Variants in PPM1E observed in about 807,000 individuals in gnomAD.
PPM1E encodes protein phosphatase 1E.
PPM1E carries 20 observed loss-of-function variants against 65.9 expected under a neutral mutation model. That is an observed-to-expected ratio of 0.30 (90% CI 0.21 to 0.44). The LOEUF (loss-of-function observed/expected upper bound fraction) is 0.44. Among genes scored for constraint, PPM1E ranks in the 20% least tolerant of loss-of-function variants. The pLI is 1.00. For synonymous variants in PPM1E, 352 were observed against 374.9 expected (o/e 0.94, Z 0.70); for missense variants, 713 against 953.1 (o/e 0.75, Z 3.32).
intron 1 of PPM1E, among the ~76,000 whole-genome samples, chr17:58,869,602 A>G (rs1033648107): frequency 2.6e-5 from 4 of 152,198 alleles, no homozygotes; most frequent in Non-Finnish European, 5.9e-5. Context: ...TGCTGGCACC[A>G]TGCTTCTTCT....
chr17:58,873,744 A>G (rs953259897), intron 1 of PPM1E, among the ~76,000 whole-genome samples: 21 of 150,370 alleles, frequency 1.4e-4, no homozygotes, highest in Non-Finnish European at 2.2e-4. Context: ...ACAGGTCCGC[A>G]CTACCATGCC....
At chr17:58,791,361 A>G (rs1298377504) in intron 1 of PPM1E, among the ~76,000 whole-genome samples, 1 of 152,178 alleles carries the variant, frequency 6.6e-6, no homozygotes, top group Non-Finnish European at 1.5e-5. Flanking sequence ...TGATTCGGAG[A>G]TGGCAACATA....
chr17:58,817,405 C>T (rs1405341187), intron 1 of PPM1E, among the ~76,000 whole-genome samples: 2 of 152,134 alleles, frequency 1.3e-5, no homozygotes, highest in East Asian at 3.9e-4. Flanking sequence ...TTTTTATTAC[C>T]TTATATTTAA....
chr17:58,950,268 A>G (rs1180823890), intron 1 of PPM1E, among the ~76,000 whole-genome samples: 1 of 152,246 alleles, frequency 6.6e-6, no homozygotes, highest in African/African-American at 2.4e-5. Context: ...AGGCTGAGGC[A>G]GGAGAATTGC....
chr17:58,761,511 A>T (rs2049820703), intron 1 of PPM1E, among the ~76,000 whole-genome samples: 1 of 152,200 alleles, frequency 6.6e-6, no homozygotes, highest in Admixed American at 6.5e-5. Context: ...CAGAAACTAC[A>T]CTTCAGCTAT....
Position 58,851,054 on chromosome 17 carries a change from C to T in PPM1E, c.464+94593C>T, listed in dbSNP as rs572595188. The stretch of plus-strand genomic sequence containing the variant: ...CTTCAGTCACTGATACCCTTTCTTC[C>T]ACTTGATCAAATCGGCTACCGAAGC... On this transcript the variant is annotated intron_variant, in intron 1 of 6. Transcript: ENST00000308249. Among the ~76,000 whole-genome samples, 12 of 152,268 alleles carry T rather than the reference C, an allele frequency of 7.9e-5. No individual in the cohort carries two copies. The South Asian group carries it at 2.5e-3, about 32-fold the overall frequency.
At chr17:58,941,829 A>G (rs2052072910) in intron 1 of PPM1E, among the ~76,000 whole-genome samples, 1 of 150,552 alleles carries the variant, frequency 6.6e-6, no homozygotes, top group East Asian at 2.0e-4. Context: ...ACATAGTGAA[A>G]CCCCATCTCT....
intron 1 of PPM1E, among the ~76,000 whole-genome samples, chr17:58,772,814 T>TA (rs2049953461): frequency 6.6e-6 from 1 of 152,150 alleles, no homozygotes; most frequent in African/African-American, 2.4e-5. Context: ...TCTAGGGAGA[T>TA]ACTGGAATTT....
intron 1 of PPM1E, among the ~76,000 whole-genome samples, chr17:58,823,370 A>G (rs1174269019): frequency 6.6e-6 from 1 of 152,234 alleles, no homozygotes; most frequent in African/African-American, 2.4e-5. Context: ...TTCTAGGCAC[A>G]GGAATGGTTT....
chr17:58,856,655 G>C (rs1216932340), intron 1 of PPM1E, among the ~76,000 whole-genome samples: 1 of 152,118 alleles, frequency 6.6e-6, no homozygotes, highest in Non-Finnish European at 1.5e-5. Flanking sequence ...AATCCATTAG[G>C]ATTGGTCTCA....
At chr17:58,879,063 CAG>C (rs2051159955) in intron 1 of PPM1E, among the ~76,000 whole-genome samples, 1 of 151,854 alleles carries the variant, frequency 6.6e-6, no homozygotes, top group Non-Finnish European at 1.5e-5. Context: ...TGCAATAATC[CAG>C]ACACTGGAAT....
intron 1 of PPM1E, among the ~76,000 whole-genome samples, chr17:58,847,188 A>G (rs1266281723): frequency 1.3e-5 from 2 of 152,120 alleles, no homozygotes; most frequent in African/African-American, 4.8e-5. Flanking sequence ...TCAGGTGGGT[A>G]GATTGTAAAA....
intron 1 of PPM1E, among the ~76,000 whole-genome samples, chr17:58,945,905 C>T (rs1339026445): frequency 6.6e-6 from 1 of 152,144 alleles, no homozygotes; most frequent in Non-Finnish European, 1.5e-5. Context: ...TTATGTTCAT[C>T]AAACCAGAAG....
chr17:58,890,035 T>C (rs1407271486), intron 1 of PPM1E, among the ~76,000 whole-genome samples: 1 of 152,198 alleles, frequency 6.6e-6, no homozygotes, highest in Non-Finnish European at 1.5e-5. Context: ...ACATTAGTTA[T>C]GTTCCGTAAA....
intron 1 of PPM1E, among the ~76,000 whole-genome samples, chr17:58,853,393 C>A (rs2050848797): frequency 6.6e-6 from 1 of 152,102 alleles, no homozygotes; most frequent in South Asian, 2.1e-4. Context: ...GGTCTTGACA[C>A]CCTTGTCAAA....
Position 58,885,827 on chromosome 17 carries a change from T to C in PPM1E, c.465-69822T>C, listed in dbSNP as rs543380092. On this transcript the variant is annotated intron_variant, in intron 1 of 6. Transcript: ENST00000308249. ...TTCTCAAGAGGATACACTGCCATTC[T>C]CCAACCAAGTCAGGGGTGTATACAC... 6.8e-4 allele frequency among the ~76,000 whole-genome samples: 104 copies of C among 152,332 alleles called. 2 individuals are homozygous for C. In the South Asian group the frequency reaches 0.015, roughly 22 times the overall value.
At chr17:58,895,513 G>GA (rs1373998629) in intron 1 of PPM1E, among the ~76,000 whole-genome samples, 11 of 152,172 alleles carry the variant, frequency 7.2e-5, no homozygotes, top group Middle Eastern at 3.4e-3. Flanking sequence ...TGAATGATAA[G>GA]AAAGTGAAAC....
intron 2 of PPM1E, among the ~76,000 whole-genome samples, 157 bp from the exon 3 acceptor site, chr17:58,965,537 T>G (rs1790719885): frequency 6.6e-6 from 1 of 152,202 alleles, no homozygotes; most frequent in Admixed American, 6.5e-5. Flanking sequence ...TGATTTTCTC[T>G]CTTCAGAAGC....
rs527399563 is a variant in PPM1E, at chr17:58,832,480, T to TAG, written c.464+76029_464+76030dup. Among the ~76,000 whole-genome samples the TAG allele has an allele frequency of 5.8e-3, 877 of 152,264 alleles. 5 individuals are homozygous for TAG. The highest frequency in any genetic ancestry group is 9.4e-3 in the African/African-American group (389 of 41,564). ...GTAAAGCTTCTACTACTTCTATATA[T>TAG]AGAGAGAGAGACCTGAAACATACAA... On this transcript the variant is annotated intron_variant, in intron 1 of 6. Coordinates refer to ENST00000308249, the MANE Select transcript of PPM1E (RefSeq NM_014906.5).
Sources: gnomAD v4.1 joint callset for allele counts (sites outside exome capture counted in the v4.1 genomes callset) on GRCh38, gnomAD v4.1.1 for gene constraint, MANE v1.5 for transcripts, NCBI Gene and HGNC (gene_info 2026-07-23, HGNC 2026-07-21) for gene names.